WWOX: variants seen among roughly 807,000 people sequenced by gnomAD.
WWOX encodes WW domain-containing oxidoreductase.
In WWOX, 69 loss-of-function variants were observed where a neutral mutation model predicts 46.2. The ratio of observed to expected loss-of-function variants is 1.49; its 90% confidence interval spans 1.23 to 1.82. The LOEUF (loss-of-function observed/expected upper bound fraction) is 1.82, where lower values mean the gene tolerates loss of function less well. WWOX is among the 40% of genes most tolerant of loss of function. WWOX has a pLI of 0.00. For synonymous variants in WWOX, 359 were observed against 202.6 expected (o/e 1.77, Z -6.56); for missense variants, 919 against 542.6 (o/e 1.69, Z -6.89).
At chr16:79,131,274 A>G (rs757578191) in intron 8 of WWOX, among the ~76,000 whole-genome samples, 5 of 152,128 alleles carry the variant, frequency 3.3e-5, no homozygotes, top group African/African-American at 9.7e-5. Context: ...AAGCAAAAGA[A>G]GAAGCTGTAC....
At chr16:78,792,337 C>T (rs1251442439) in intron 8 of WWOX, among the ~76,000 whole-genome samples, 2 of 152,086 alleles carry the variant, frequency 1.3e-5, no homozygotes, top group African/African-American at 2.4e-5. Context: ...CTCTACTTCC[C>T]ACATGTATCC....
intron 8 of WWOX, among the ~76,000 whole-genome samples, chr16:78,792,261 G>A (rs2050624112): frequency 6.6e-6 from 1 of 152,176 alleles, no homozygotes; most frequent in African/African-American, 2.4e-5. Flanking sequence ...TGGCAATGGG[G>A]CTGGGAATGG....
intron 6 of WWOX, among the ~76,000 whole-genome samples, chr16:78,391,797 G>C (rs1344361161): frequency 6.6e-6 from 1 of 152,152 alleles, no homozygotes; most frequent in Admixed American, 6.6e-5. Flanking sequence ...GTTGCAGTGA[G>C]CCGAGATCAT....
chr16:78,644,968 G>A (rs1334459664), intron 8 of WWOX, among the ~76,000 whole-genome samples: 1 of 152,124 alleles, frequency 6.6e-6, no homozygotes, highest in Non-Finnish European at 1.5e-5. Flanking sequence ...TTAGTAAACG[G>A]TGAGTTTTGG....
intron 5 of WWOX, among the ~76,000 whole-genome samples, chr16:78,180,706 G>A (rs2035505412): frequency 1.3e-5 from 2 of 151,508 alleles, no homozygotes; most frequent in Non-Finnish European, 2.9e-5. Context: ...GGTAAATCCA[G>A]CTCCATCTGA....
chr16:78,879,122 G>A (rs1177938217), intron 8 of WWOX, among the ~76,000 whole-genome samples: 1 of 152,074 alleles, frequency 6.6e-6, no homozygotes, highest in Non-Finnish European at 1.5e-5. Flanking sequence ...GTAATCCTAA[G>A]TACTTGTTAA....
chr16:78,996,723 C>A (rs1250974883), intron 8 of WWOX, among the ~76,000 whole-genome samples: 1 of 152,112 alleles, frequency 6.6e-6, no homozygotes, highest in East Asian at 1.9e-4. Context: ...AGTAAACAGC[C>A]CATGAAAACA....
At chr16:78,660,073 A>G (rs1302409789) in intron 8 of WWOX, among the ~76,000 whole-genome samples, 2 of 151,948 alleles carry the variant, frequency 1.3e-5, no homozygotes, top group South Asian at 4.2e-4. Flanking sequence ...AGAGTTGTTT[A>G]TCTTCTCTGT....
chr16:79,144,762 A>G lies in WWOX; in HGVS notation c.1057-66846A>G, dbSNP rs2050153625. Among the ~76,000 whole-genome samples the G allele has an allele frequency of 2.0e-5, 3 of 152,176 alleles. 1 individual carries two copies. The highest frequency in any genetic ancestry group is 2.0e-4 in the Admixed American group (3 of 15,276). ...TTGGTTTCCAAGGTTTCAGTTATACATTGTCAACTGTGGTACAAATATATT... is the reference window on the plus strand; with the variant it reads ...TTGGTTTCCAAGGTTTCAGTTATACGTTGTCAACTGTGGTACAAATATATT... On this transcript the variant is annotated intron_variant, in intron 8 of 8. Coordinates refer to ENST00000566780, the MANE Select transcript of WWOX (RefSeq NM_016373.4).
chr16:79,082,958 A>G (rs1176225551), intron 8 of WWOX, among the ~76,000 whole-genome samples: 3 of 152,066 alleles, frequency 2.0e-5, no homozygotes, highest in Non-Finnish European at 4.4e-5. Flanking sequence ...AAAATGTGGA[A>G]ATCTACATCA....
At chr16:79,009,116 C>T (rs966158278) in intron 8 of WWOX, among the ~76,000 whole-genome samples, 2 of 152,166 alleles carry the variant, frequency 1.3e-5, no homozygotes, top group African/African-American at 4.8e-5. Context: ...GGCCTCCTGC[C>T]CTTCCAGGCT....
intron 5 of WWOX, among the ~76,000 whole-genome samples, chr16:78,368,776 C>T (rs1293488881): frequency 1.3e-5 from 2 of 152,166 alleles, no homozygotes; most frequent in Non-Finnish European, 2.9e-5. Flanking sequence ...AATTACCCAT[C>T]GCGATTCATT....
chr16:78,389,462 G>A (rs1204696814), intron 6 of WWOX, among the ~76,000 whole-genome samples: 2 of 152,144 alleles, frequency 1.3e-5, no homozygotes, highest in Non-Finnish European at 2.9e-5. Context: ...GTCTGTGGTT[G>A]TTTGGGAGGG....
chr16:78,844,601 C>T (rs2052248408), intron 8 of WWOX, among the ~76,000 whole-genome samples: 1 of 152,020 alleles, frequency 6.6e-6, no homozygotes, highest in Admixed American at 6.6e-5. Flanking sequence ...GGAAAGACCG[C>T]AGAATTCTGG....
At chr16:79,095,998 C>T (rs1316279693) in intron 8 of WWOX, among the ~76,000 whole-genome samples, 2 of 147,078 alleles carry the variant, frequency 1.4e-5, no homozygotes, top group African/African-American at 5.1e-5. Flanking sequence ...TACAGGCATG[C>T]GCTGCCACAC....
intron 8 of WWOX, among the ~76,000 whole-genome samples, chr16:78,546,757 T>C (rs1047467723): frequency 7.2e-5 from 11 of 152,208 alleles, no homozygotes; most frequent in African/African-American, 2.2e-4. Flanking sequence ...GAAAGCTCCA[T>C]CTAAAGAGAT....
At chr16:78,551,136 T>C (rs2044162988) in intron 8 of WWOX, 1 of 152,198 alleles carries the variant, frequency 6.6e-6, no homozygotes, top group African/African-American at 2.4e-5. Flanking sequence ...AGATATCCAG[T>C]ATATTCCATG....
rs987603180 is a variant in WWOX at position 78,506,945 on chromosome 16, C to G, written c.1056+74193C>G. Among the ~76,000 whole-genome samples, 10 of 152,188 alleles carry G rather than the reference C, an allele frequency of 6.6e-5. No homozygotes were observed. In the South Asian group the frequency reaches 2.1e-3, roughly 32 times the overall value. On this transcript the variant is annotated intron_variant, in intron 8 of 8. Coordinates refer to ENST00000566780, the MANE Select transcript of WWOX (RefSeq NM_016373.4). ...GCCATATTGGTCTTGAACTCCTGACCTCAAGTGATCCTCCCACCTCAGCTG... is the reference window on the plus strand; with the variant it reads ...GCCATATTGGTCTTGAACTCCTGACGTCAAGTGATCCTCCCACCTCAGCTG...
chr16:78,639,111 T>G (rs1280088250), intron 8 of WWOX, among the ~76,000 whole-genome samples: 1 of 152,216 alleles, frequency 6.6e-6, no homozygotes, highest in Admixed American at 6.5e-5. Flanking sequence ...GTCCCATACT[T>G]GGACATTTAT....
Sources: gnomAD v4.1 joint callset for allele counts (sites outside exome capture counted in the v4.1 genomes callset) on GRCh38, gnomAD v4.1.1 for gene constraint, MANE v1.5 for transcripts, NCBI Gene and HGNC (gene_info 2026-07-23, HGNC 2026-07-21) for gene names.